SNAP91: variants seen among roughly 807,000 people sequenced by gnomAD.
The protein encoded by SNAP91 is clathrin coat assembly protein AP180.
A neutral mutation model predicts 100.3 loss-of-function variants in SNAP91; 27 were observed. The observed-to-expected ratio is 0.27, with a 90% CI of 0.20 to 0.37. The LOEUF is 0.37. SNAP91 is among the 10% of genes least tolerant of loss of function. The pLI is 1.00. For missense variants in SNAP91, 986 were observed against 1,123.7 expected (o/e 0.88, Z 1.75); for synonymous variants, 404 against 398.6 (o/e 1.01, Z -0.16).
intron 10 of SNAP91, 80 bp from the exon 11 acceptor site, chr6:83,614,942 A>G: frequency 8.6e-7 from 1 of 1,161,516 alleles, no homozygotes; most frequent in Non-Finnish European, 1.2e-6. Context: ...AAAAATAGGG[A>G]ATAAGCAAAA....
chr6:83,587,231 T>C (rs1283915819), intron 22 of SNAP91, among the ~76,000 whole-genome samples: 1 of 152,208 alleles, frequency 6.6e-6, no homozygotes, highest in Non-Finnish European at 1.5e-5. Flanking sequence ...CTTATCTTTA[T>C]GATTCACATG....
At chr6:83,616,623 T>C (rs1388056150) in intron 10 of SNAP91, among the ~76,000 whole-genome samples, 1 of 152,142 alleles carries the variant, frequency 6.6e-6, no homozygotes, top group African/African-American at 2.4e-5. Flanking sequence ...GCTTGTGAAA[T>C]TGTGCTTGTT....
chr6:83,585,018 A>G (rs1421567279), intron 22 of SNAP91, among the ~76,000 whole-genome samples: 1 of 152,224 alleles, frequency 6.6e-6, no homozygotes, highest in Non-Finnish European at 1.5e-5. Flanking sequence ...ACAGCTATTA[A>G]GTGATATAAA....
intron 2 of SNAP91, among the ~76,000 whole-genome samples, chr6:83,668,440 T>A (rs1361856883): frequency 2.0e-5 from 3 of 152,132 alleles, no homozygotes; most frequent in Admixed American, 1.3e-4. Flanking sequence ...CGAATGTCCA[T>A]CAATGATAGA....
chr6:83,565,976 G>A (rs146108009), intron 26 of SNAP91, among the ~76,000 whole-genome samples: 1 of 152,080 alleles, frequency 6.6e-6, no homozygotes, highest in East Asian at 1.9e-4. Context: ...ATAGAACTGA[G>A]GATATACGCT....
chr6:83,610,710 AATATATATATATAT>A (rs747428612), intron 11 of SNAP91, 33 bp from the exon 12 acceptor site: 17 of 211,548 alleles, frequency 8.0e-5, no homozygotes, highest in African/African-American at 5.9e-4. Flanking sequence ...ATTAAAACTG[AATATATATATATAT>A]ATATATATAT....
At chr6:83,660,921 G>A (rs1314967396) in intron 5 of SNAP91, among the ~76,000 whole-genome samples, 1 of 151,942 alleles carries the variant, frequency 6.6e-6, no homozygotes, top group African/African-American at 2.4e-5. Flanking sequence ...TGGGACTACA[G>A]GCACACACCA....
At chr6:83,636,776 G>A (rs796959147) in intron 8 of SNAP91, among the ~76,000 whole-genome samples, 21 of 152,262 alleles carry the variant, frequency 1.4e-4, no homozygotes, top group African/African-American at 4.1e-4. Context: ...ATTCCTTCTC[G>A]TCTGAGGGAG....
At chr6:83,673,639 C>A (rs564593511) in intron 2 of SNAP91, among the ~76,000 whole-genome samples, 1 of 152,148 alleles carries the variant, frequency 6.6e-6, no homozygotes, top group Non-Finnish European at 1.5e-5. Flanking sequence ...CCAGACAATA[C>A]GAAAAAGTGA....
chr6:83,705,353 C>T (rs868203257), intron 2 of SNAP91, among the ~76,000 whole-genome samples: 1 of 151,948 alleles, frequency 6.6e-6, no homozygotes, highest in Non-Finnish European at 1.5e-5. Flanking sequence ...GCAATATGTA[C>T]GCGGATTTTG....
chr6:83,608,318 C>A (rs1326181252), intron 12 of SNAP91, among the ~76,000 whole-genome samples: 1 of 152,086 alleles, frequency 6.6e-6, no homozygotes, highest in African/African-American at 2.4e-5. Flanking sequence ...ATTCAAGTCA[C>A]TGATGTTTTG....
At position 83,645,544 on chromosome 6, in the gene SNAP91, T is replaced by C. The variant is rs115161604; in HGVS notation, c.659-4342A>G. On this transcript the variant is annotated intron_variant, in intron 7 of 29. Transcript: ENST00000369694. ...CACCATTTTAGTATCATACGGAGTA[T>C]TTTCACTGTCCTAAAAATCTGGCCA... is the stretch of plus-strand genomic sequence containing the variant. Among the ~76,000 whole-genome samples the C allele has an allele frequency of 9.4e-3, 1,431 of 152,180 alleles. 26 individuals are homozygous for C. The highest frequency in any genetic ancestry group is 0.032 in the African/African-American group (1,338 of 41,524).
intron 16 of SNAP91, among the ~76,000 whole-genome samples, chr6:83,596,589 CCA>C (rs1436169005): frequency 6.6e-6 from 1 of 152,110 alleles, no homozygotes; most frequent in Admixed American, 6.5e-5. Context: ...TCTACTGTCT[CCA>C]GTCTGTAGAT....
intron 11 of SNAP91, among the ~76,000 whole-genome samples, chr6:83,611,141 T>A (rs2096033997): frequency 6.6e-6 from 1 of 152,018 alleles, no homozygotes; most frequent in African/African-American, 2.4e-5. Flanking sequence ...ACTGTGAAGA[T>A]CCCTACAGGC....
chr6:83,672,437 T>C (rs1055900022), intron 2 of SNAP91, among the ~76,000 whole-genome samples: 1 of 152,040 alleles, frequency 6.6e-6, no homozygotes, highest in African/African-American at 2.4e-5. Flanking sequence ...AAGAATAATA[T>C]TAACTATTTT....
intron 24 of SNAP91, among the ~76,000 whole-genome samples, chr6:83,576,940 CCTATCCTGGAGGAA>C (rs1305470954): frequency 1.3e-5 from 2 of 152,166 alleles, no homozygotes; most frequent in African/African-American, 4.8e-5. Context: ...GTCAGAGAGT[CCTATCCTGGAGGAA>C]CTTGCATTCC....
At chr6:83,663,995 T>TAG (rs2128755447) in intron 3 of SNAP91, among the ~76,000 whole-genome samples, 1 of 152,242 alleles carries the variant, frequency 6.6e-6, no homozygotes, top group South Asian at 2.1e-4. Flanking sequence ...AAACCTACTC[T>TAG]GCCTGTGCTC....
Position 83,670,525 on chromosome 6 carries a change from A to G in SNAP91, c.131-4944T>C, listed in dbSNP as rs375458140. On this transcript the variant is annotated intron_variant, in intron 2 of 29. Transcript: ENST00000369694. ...TAACAGTGTCTTTGAAAGAACAGAA[A>G]TTTTTAATTATGATGAAGTCCTATT... Among the ~76,000 whole-genome samples the G allele has an allele frequency of 2.6e-4, 39 of 151,912 alleles. No individual in the cohort carries two copies. In the East Asian group the frequency reaches 6.4e-3, roughly 25 times the overall value.
chr6:83,640,783 TAA>T (rs1459677021), intron 8 of SNAP91, among the ~76,000 whole-genome samples: 2 of 152,132 alleles, frequency 1.3e-5, no homozygotes, highest in Non-Finnish European at 2.9e-5. Context: ...TTCTAACAAT[TAA>T]AGATAGCTAT....
Sources: gnomAD v4.1 joint callset for allele counts (sites outside exome capture counted in the v4.1 genomes callset) on GRCh38, gnomAD v4.1.1 for gene constraint, MANE v1.5 for transcripts, NCBI Gene and HGNC (gene_info 2026-07-23, HGNC 2026-07-21) for gene names.